The following SPMAP1 variants were observed in gnomAD, a reference collection of about 807,000 sequenced individuals.
SPMAP1 encodes uncharacterized protein C17orf98.
At chr17:38,835,257 T>G in the SPMAP1 span, 1 of 1,614,204 alleles carries the variant, frequency 6.2e-7, no homozygotes. Context: ...GGAGTGTTCC[T>G]GCGGTAGCCA....
the SPMAP1 span, among the ~76,000 whole-genome samples, chr17:38,836,244 C>T: frequency 6.6e-6 from 1 of 152,046 alleles, no homozygotes; most frequent in Non-Finnish European, 1.5e-5. Context: ...CCCAGCTCAG[C>T]CCTCTTGCCA....
the SPMAP1 span, chr17:38,841,070 AAAAG>A: frequency 2.7e-5 from 18 of 671,396 alleles, no homozygotes; most frequent in East Asian, 5.2e-4. Flanking sequence ...AAAAATTTAA[AAAAG>A]AAAAGAAAGT....
chr17:38,836,585 CTTTTTTT>C, the SPMAP1 span, among the ~76,000 whole-genome samples: 2,488 of 58,328 alleles, frequency 0.043, 21 homozygotes, highest in African/African-American at 0.058. Flanking sequence ...TTCTTTCTTT[CTTTTTTT>C]TTTTTTTTTT....
chr17:38,840,368 C>A, the SPMAP1 span, among the ~76,000 whole-genome samples: 4 of 152,212 alleles, frequency 2.6e-5, no homozygotes, highest in South Asian at 8.3e-4. Context: ...GACAAAGACA[C>A]CGACTGGTTT....
At chr17:38,841,122 G>T in the SPMAP1 span, 15 of 1,319,010 alleles carry the variant, frequency 1.1e-5, no homozygotes, top group Non-Finnish European at 1.5e-5. Flanking sequence ...CTTCTTTGTG[G>T]TGAGAACGCT....
At chr17:38,841,168 G>C in the SPMAP1 span, 2 of 1,597,212 alleles carry the variant, frequency 1.3e-6, no homozygotes, top group South Asian at 1.1e-5. Flanking sequence ...GGGGTCTTCC[G>C]GGAAGCTCCT....
At chr17:38,838,786 TAGAA>T in the SPMAP1 span, among the ~76,000 whole-genome samples, 1 of 147,016 alleles carries the variant, frequency 6.8e-6, no homozygotes, top group Non-Finnish European at 1.5e-5. Context: ...AAAAGAAAAT[TAGAA>T]AGCCTTTTTC....
At chr17:38,837,026 G>T in the SPMAP1 span, 7 of 753,166 alleles carry the variant, frequency 9.3e-6, no homozygotes, top group East Asian at 9.8e-5. Flanking sequence ...GGCACCATCT[G>T]CTCATGTATG....
the SPMAP1 span, among the ~76,000 whole-genome samples, chr17:38,835,627 C>A: frequency 6.6e-6 from 1 of 152,166 alleles, no homozygotes; most frequent in Non-Finnish European, 1.5e-5. Context: ...AAATTCTGGG[C>A]TTGGCAAAGC....
chr17:38,841,134 G>C, the SPMAP1 span: 2 of 1,447,206 alleles, frequency 1.4e-6, no homozygotes, highest in Admixed American at 1.8e-5. Context: ...GAGAACGCTG[G>C]AGTGAAGATT....
chr17:38,835,170 A>G, the SPMAP1 span: 50 of 1,612,442 alleles, frequency 3.1e-5, no homozygotes, highest in South Asian at 5.3e-4. Context: ...GTCGATGGCT[A>G]TGAAGGGAAA....
the SPMAP1 span, chr17:38,835,160 G>T: frequency 6.2e-7 from 1 of 1,607,460 alleles, no homozygotes; most frequent in South Asian, 1.1e-5. Flanking sequence ...AGAAATTCAG[G>T]TCGATGGCTA....
the SPMAP1 span, among the ~76,000 whole-genome samples, chr17:38,838,689 G>A: frequency 6.6e-6 from 1 of 152,162 alleles, no homozygotes; most frequent in Non-Finnish European, 1.5e-5. Context: ...TGAGACTGGA[G>A]GATTGCTTGA....
At chr17:38,839,414 G>A in the SPMAP1 span, among the ~76,000 whole-genome samples, 5 of 146,642 alleles carry the variant, frequency 3.4e-5, no homozygotes, top group African/African-American at 1.3e-4. Flanking sequence ...GTTGCAGTAA[G>A]CCAAAATTAT....
the SPMAP1 span, among the ~76,000 whole-genome samples, chr17:38,838,940 A>G: frequency 0.73 from 110,414 of 151,380 alleles, 40,839 homozygotes; most frequent in Middle Eastern, 0.85. Flanking sequence ...CAAAAAACTA[A>G]CTGGGTGTGG....
chr17:38,837,678 A>T, the SPMAP1 span, among the ~76,000 whole-genome samples: 1 of 134,890 alleles, frequency 7.4e-6, no homozygotes, highest in Non-Finnish European at 1.7e-5. Context: ...AACTCCATCT[A>T]AAAAAAAAAA....
chr17:38,836,905 A>T, the SPMAP1 span, among the ~76,000 whole-genome samples: 1 of 151,254 alleles, frequency 6.6e-6, no homozygotes, highest in African/African-American at 2.4e-5. Context: ...GTGCTACTGC[A>T]TTTCATGCAT....
chr17:38,840,465 CTG>C, the SPMAP1 span, among the ~76,000 whole-genome samples: 1 of 151,950 alleles, frequency 6.6e-6, no homozygotes, highest in African/African-American at 2.4e-5. Context: ...GAAGGCCATT[CTG>C]TGAGCTCAGG....
chr17:38,835,125 A>T, the SPMAP1 span: 2 of 1,536,248 alleles, frequency 1.3e-6, no homozygotes, highest in East Asian at 4.5e-5. Flanking sequence ...AAATAACACT[A>T]AGAGTTCATC....
Sources: gnomAD v4.1 joint callset for allele counts (sites outside exome capture counted in the v4.1 genomes callset) on GRCh38, gnomAD v4.1.1 for gene constraint, MANE v1.5 for transcripts, NCBI Gene and HGNC (gene_info 2026-07-23, HGNC 2026-07-21) for gene names.